Variants in LRRC4C observed in about 807,000 individuals in gnomAD.
LRRC4C encodes leucine rich repeat containing 4C, also known as leucine-rich repeat-containing protein 4C.
A neutral mutation model predicts 33.6 loss-of-function variants in LRRC4C; 5 were observed. That is an observed-to-expected ratio of 0.15 (90% confidence interval 0.08 to 0.31). The LOEUF (loss-of-function observed/expected upper bound fraction) is 0.31, where lower values mean the gene tolerates loss of function less well. Ranked by LOEUF, LRRC4C falls within the 10% of genes least tolerant of loss-of-function variation. LRRC4C has a pLI of 1.00. For missense variants in LRRC4C, 560 were observed against 796.7 expected (o/e 0.70, Z 3.58); for synonymous variants, 329 against 302.0 (o/e 1.09, Z -0.93).
chr11:40,457,775 C>A (rs1358800077), intron 3 of LRRC4C, among the ~76,000 whole-genome samples: 1 of 152,162 alleles, frequency 6.6e-6, no homozygotes, highest in Non-Finnish European at 1.5e-5. Context: ...AGTCTCCCTT[C>A]CTGATGGCTC....
chr11:40,640,515 T>C (rs188596352), intron 3 of LRRC4C, among the ~76,000 whole-genome samples: 1 of 151,654 alleles, frequency 6.6e-6, no homozygotes, highest in East Asian at 1.9e-4. Context: ...TTCTATATAT[T>C]TTTTTTTAAA....
intron 2 of LRRC4C, among the ~76,000 whole-genome samples, chr11:40,734,056 C>T (rs140557886): frequency 2.2e-3 from 337 of 152,242 alleles, no homozygotes; most frequent in Non-Finnish European, 4.0e-3. Flanking sequence ...TGATTTTCAA[C>T]TTTCAACTGA....
At chr11:40,428,691 T>C (rs1019792541) in intron 3 of LRRC4C, among the ~76,000 whole-genome samples, 3 of 152,210 alleles carry the variant, frequency 2.0e-5, no homozygotes, top group Non-Finnish European at 4.4e-5. Context: ...ATGGAGTAAA[T>C]GATATGAACA....
At chr11:41,116,477 C>G (rs1238369409) in intron 1 of LRRC4C, among the ~76,000 whole-genome samples, 1 of 151,994 alleles carries the variant, frequency 6.6e-6, no homozygotes, top group Non-Finnish European at 1.5e-5. Flanking sequence ...AGAGAAAGAG[C>G]AATTGAAGGT....
At chr11:40,553,052 C>A (rs1034267490) in intron 3 of LRRC4C, among the ~76,000 whole-genome samples, 1 of 152,124 alleles carries the variant, frequency 6.6e-6, no homozygotes, top group Non-Finnish European at 1.5e-5. Context: ...AGGCAGATCA[C>A]CTGAGGTCAG....
chr11:40,186,850 A>G (rs1861441887), intron 5 of LRRC4C, among the ~76,000 whole-genome samples: 1 of 152,112 alleles, frequency 6.6e-6, no homozygotes, highest in South Asian at 2.1e-4. Flanking sequence ...TCCCCCTTTA[A>G]GCAAATCCTC....
At chr11:40,949,407 A>G (rs1411808626) in intron 1 of LRRC4C, among the ~76,000 whole-genome samples, 2 of 152,084 alleles carry the variant, frequency 1.3e-5, no homozygotes, top group African/African-American at 2.4e-5. Flanking sequence ...TCCAAGACAC[A>G]TAATTGTCAG....
intron 2 of LRRC4C, among the ~76,000 whole-genome samples, chr11:40,799,584 C>T (rs1241131711): frequency 6.6e-6 from 1 of 152,140 alleles, no homozygotes; most frequent in Non-Finnish European, 1.5e-5. Flanking sequence ...AATCTCATGC[C>T]TCAGTATCCC....
intron 2 of LRRC4C, among the ~76,000 whole-genome samples, chr11:40,907,415 AAG>A (rs1186810269): frequency 6.6e-6 from 1 of 152,228 alleles, no homozygotes; most frequent in Non-Finnish European, 1.5e-5. Context: ...ATCATTATTC[AAG>A]AGAGTGTCAA....
At chr11:41,184,356 C>A (rs563012791) in intron 1 of LRRC4C, among the ~76,000 whole-genome samples, 8 of 152,142 alleles carry the variant, frequency 5.3e-5, no homozygotes, top group South Asian at 2.1e-4. Context: ...CCCATGTCAC[C>A]TGTCACCTCT....
chr11:41,449,725 A>G (rs1273035146), intron 1 of LRRC4C, among the ~76,000 whole-genome samples: 1 of 151,322 alleles, frequency 6.6e-6, no homozygotes, highest in Non-Finnish European at 1.5e-5. Flanking sequence ...GGATGATAGT[A>G]ATGACCAAAG....
intron 2 of LRRC4C, among the ~76,000 whole-genome samples, chr11:40,649,171 G>A (rs1942639459): frequency 6.6e-6 from 1 of 152,088 alleles, no homozygotes; most frequent in Non-Finnish European, 1.5e-5. Context: ...CAGAGAACTG[G>A]TCTGACCAAA....
chr11:41,236,127 A>G (rs543083423), intron 1 of LRRC4C, among the ~76,000 whole-genome samples: 1 of 152,074 alleles, frequency 6.6e-6, no homozygotes, highest in Non-Finnish European at 1.5e-5. Flanking sequence ...TTGACCACCT[A>G]CCATTCTACT....
intron 4 of LRRC4C, among the ~76,000 whole-genome samples, chr11:40,314,782 T>C (rs953462529): frequency 6.6e-6 from 1 of 151,974 alleles, no homozygotes; most frequent in African/African-American, 2.4e-5. Flanking sequence ...TTATGTTAAG[T>C]GAAATAAGCC....
intron 1 of LRRC4C, among the ~76,000 whole-genome samples, chr11:41,043,108 G>T (rs1368102355): frequency 1.6e-5 from 2 of 122,280 alleles, no homozygotes; most frequent in African/African-American, 6.1e-5. Context: ...ACGAGGAAGG[G>T]ATTGAATTCA....
At chr11:40,599,384 G>T (rs1012452703) in intron 3 of LRRC4C, among the ~76,000 whole-genome samples, 2 of 152,158 alleles carry the variant, frequency 1.3e-5, no homozygotes, top group Admixed American at 1.3e-4. Context: ...CTAGGTCAAG[G>T]CTGCAGTGAG....
intron 3 of LRRC4C, among the ~76,000 whole-genome samples, chr11:40,407,136 A>G (rs528446947): frequency 1.7e-4 from 26 of 152,234 alleles, no homozygotes; most frequent in South Asian, 6.2e-4. Flanking sequence ...ATCTAGATTC[A>G]AAAGACATTT....
intron 1 of LRRC4C, among the ~76,000 whole-genome samples, chr11:41,141,289 G>A (rs1943493426): frequency 1.3e-5 from 2 of 151,842 alleles, no homozygotes; most frequent in Non-Finnish European, 1.5e-5. Flanking sequence ...AAGAGGGAAG[G>A]CTGCTAGCAA....
chr11:41,048,713 G>C (rs1461292572), intron 1 of LRRC4C, among the ~76,000 whole-genome samples: 2 of 152,164 alleles, frequency 1.3e-5, no homozygotes, highest in African/African-American at 4.8e-5. Context: ...TCTAGAGACA[G>C]ATTTATAGTA....
Sources: gnomAD v4.1 joint callset for allele counts (sites outside exome capture counted in the v4.1 genomes callset) on GRCh38, gnomAD v4.1.1 for gene constraint, MANE v1.5 for transcripts, NCBI Gene and HGNC (gene_info 2026-07-23, HGNC 2026-07-21) for gene names.